The following KCTD16 variants were observed in gnomAD, a reference collection of about 807,000 sequenced individuals.
KCTD16 encodes the protein potassium channel tetramerization domain containing 16, also known as BTB/POZ domain-containing protein KCTD16.
In KCTD16, 13 loss-of-function variants were observed where a neutral mutation model predicts 33.2. The observed-to-expected ratio is 0.39, with a 90% CI of 0.25 to 0.62. The LOEUF (loss-of-function observed/expected upper bound fraction) is 0.62. KCTD16 is among the 20% of genes least tolerant of loss of function. The pLI, the probability that KCTD16 is intolerant of heterozygous loss-of-function variation, is 0.50. For synonymous variants in KCTD16, 197 were observed against 195.3 expected (o/e 1.01, Z -0.07); for missense variants, 441 against 525.1 (o/e 0.84, Z 1.57).
chr5:144,268,764 C>T (rs1188765261), intron 3 of KCTD16, among the ~76,000 whole-genome samples: 25 of 152,048 alleles, frequency 1.6e-4, no homozygotes, highest in Admixed American at 1.6e-3. Context: ...TGAAAAAGAC[C>T]TAATGGCAGT....
At chr5:144,463,836 A>C (rs1180249220) in intron 3 of KCTD16, among the ~76,000 whole-genome samples, 1 of 152,244 alleles carries the variant, frequency 6.6e-6, no homozygotes, top group Non-Finnish European at 1.5e-5. Flanking sequence ...GTAAACATTC[A>C]ATTTAAAGAT....
chr5:144,403,091 C>T (rs1752738328), intron 3 of KCTD16, among the ~76,000 whole-genome samples: 1 of 152,182 alleles, frequency 6.6e-6, no homozygotes, highest in African/African-American at 2.4e-5. Context: ...GTCCTCCTGC[C>T]TCCCTCTTGG....
intron 3 of KCTD16, among the ~76,000 whole-genome samples, chr5:144,361,201 A>C (rs979423532): frequency 6.6e-6 from 1 of 151,736 alleles, no homozygotes; most frequent in African/African-American, 2.4e-5. Context: ...GATGATTTCC[A>C]ATTTCATCCA....
chr5:144,283,519 C>T (rs1204176443), intron 3 of KCTD16, among the ~76,000 whole-genome samples: 2 of 152,216 alleles, frequency 1.3e-5, no homozygotes, highest in African/African-American at 4.8e-5. Context: ...AAAATATCTT[C>T]TTAACTGGTT....
At chr5:144,392,295 C>T (rs1013913974) in intron 3 of KCTD16, among the ~76,000 whole-genome samples, 4 of 152,072 alleles carry the variant, frequency 2.6e-5, no homozygotes, top group Admixed American at 6.5e-5. Context: ...GAGTGAGGTG[C>T]GTAGTGCAAG....
intron 3 of KCTD16, among the ~76,000 whole-genome samples, chr5:144,352,557 T>C (rs1751471124): frequency 1.3e-5 from 2 of 152,298 alleles, no homozygotes; most frequent in South Asian, 4.1e-4. Flanking sequence ...GTTCTCTGGT[T>C]TCCGTGGTTG....
At chr5:144,318,776 A>C (rs889072342) in intron 3 of KCTD16, among the ~76,000 whole-genome samples, 2 of 152,164 alleles carry the variant, frequency 1.3e-5, no homozygotes, top group Non-Finnish European at 2.9e-5. Context: ...GCTTGTCTCT[A>C]TATTCTTCAC....
At chr5:144,409,948 A>G (rs1017479826) in intron 3 of KCTD16, among the ~76,000 whole-genome samples, 1 of 152,246 alleles carries the variant, frequency 6.6e-6, no homozygotes, top group Non-Finnish European at 1.5e-5. Flanking sequence ...ATGAGATGCC[A>G]TAGAGACTTC....
At chr5:144,244,376 CAA>C (rs1429657162) in intron 3 of KCTD16, among the ~76,000 whole-genome samples, 1 of 152,120 alleles carries the variant, frequency 6.6e-6, no homozygotes, top group Non-Finnish European at 1.5e-5. Flanking sequence ...AATTTGATAA[CAA>C]AGTGCTAAAT....
chr5:144,297,319 C>G (rs1185249848), intron 3 of KCTD16, among the ~76,000 whole-genome samples: 3 of 152,134 alleles, frequency 2.0e-5, no homozygotes, highest in African/African-American at 4.8e-5. Context: ...AGAAAAAATA[C>G]AGCCAAAACA....
At chr5:144,288,313 GA>G (rs1561554673) in intron 3 of KCTD16, among the ~76,000 whole-genome samples, 1 of 152,146 alleles carries the variant, frequency 6.6e-6, no homozygotes, top group Non-Finnish European at 1.5e-5. Context: ...GCAAAACTGT[GA>G]ATAGGGATGA....
At chr5:144,201,403 A>G (rs1753042713) in intron 2 of KCTD16, among the ~76,000 whole-genome samples, 1 of 152,210 alleles carries the variant, frequency 6.6e-6, no homozygotes, top group African/African-American at 2.4e-5. Flanking sequence ...TTCATACTGG[A>G]AAGAGTAATG....
chr5:144,178,022 C>T (rs954717240), intron 2 of KCTD16, among the ~76,000 whole-genome samples: 3 of 152,158 alleles, frequency 2.0e-5, no homozygotes, highest in Admixed American at 2.0e-4. Context: ...ACTTCAACTG[C>T]ATCATTTTGG....
intron 3 of KCTD16, among the ~76,000 whole-genome samples, chr5:144,376,120 T>A (rs115218126): frequency 2.0e-5 from 3 of 152,122 alleles, no homozygotes; most frequent in African/African-American, 7.2e-5. Flanking sequence ...AAAATCTTCC[T>A]CATTCAGAGT....
intron 3 of KCTD16, among the ~76,000 whole-genome samples, chr5:144,360,129 C>A (rs771196138): frequency 3.9e-4 from 60 of 152,016 alleles, no homozygotes; most frequent in Non-Finnish European, 1.3e-4. Flanking sequence ...TTCTGGGATA[C>A]ATATACAGAA....
At chr5:144,306,821 A>G (rs1751614683) in intron 3 of KCTD16, among the ~76,000 whole-genome samples, 1 of 152,160 alleles carries the variant, frequency 6.6e-6, no homozygotes, top group Non-Finnish European at 1.5e-5. Flanking sequence ...TACTCCAGTT[A>G]TTATTTATGG....
intron 3 of KCTD16, among the ~76,000 whole-genome samples, chr5:144,283,164 C>T (rs1755652506): frequency 1.3e-5 from 2 of 152,120 alleles, no homozygotes; most frequent in Admixed American, 1.3e-4. Flanking sequence ...TCGTCATTTA[C>T]ATTAGGTATA....
At chr5:144,236,680 G>A (rs1206535638) in intron 3 of KCTD16, among the ~76,000 whole-genome samples, 1 of 152,138 alleles carries the variant, frequency 6.6e-6, no homozygotes, top group Non-Finnish European at 1.5e-5. Flanking sequence ...GGCTTGAACA[G>A]CACATGACCT....
At chr5:144,469,840 C>T (rs1304049992) in intron 3 of KCTD16, among the ~76,000 whole-genome samples, 2 of 151,514 alleles carry the variant, frequency 1.3e-5, no homozygotes, top group Non-Finnish European at 2.9e-5. Flanking sequence ...ATGCAGCAGG[C>T]ACCAAAAATC....
Sources: allele counts gnomAD v4.1 joint callset (sites outside exome capture counted in the v4.1 genomes callset), GRCh38; gene constraint gnomAD v4.1.1; transcripts MANE v1.5; gene names NCBI Gene and HGNC (gene_info 2026-07-23, HGNC 2026-07-21).